The following TNNI3K variants were observed in gnomAD, a reference collection of about 807,000 sequenced individuals.
TNNI3K encodes serine/threonine-protein kinase TNNI3K.
In TNNI3K, 140 loss-of-function variants were observed where a neutral mutation model predicts 114.5. That is an observed-to-expected ratio of 1.22 (90% CI 1.07 to 1.41). The LOEUF is 1.41. Ranked by LOEUF, TNNI3K falls within the 40% of genes most tolerant of loss-of-function variation. The pLI is 0.00. For synonymous variants in TNNI3K, 347 were observed against 347.5 expected (o/e 1.00, Z 0.02); for missense variants, 1,125 against 1,007.6 (o/e 1.12, Z -1.58).
At chr1:74,447,165 A>G (rs1324282798) in intron 20 of TNNI3K, among the ~76,000 whole-genome samples, 1 of 151,160 alleles carries the variant, frequency 6.6e-6, no homozygotes, top group Non-Finnish European at 1.5e-5. Context: ...GATTCTTCCT[A>G]CCCATGAGCA....
chr1:74,483,085 A>G (rs989818452), intron 21 of TNNI3K, among the ~76,000 whole-genome samples: 2 of 152,226 alleles, frequency 1.3e-5, no homozygotes, highest in Non-Finnish European at 2.9e-5. Flanking sequence ...TTTGATTGAG[A>G]CCATCAGGAA....
intron 21 of TNNI3K, among the ~76,000 whole-genome samples, chr1:74,465,387 G>A (rs1048648118): frequency 6.6e-6 from 1 of 152,224 alleles, no homozygotes; most frequent in African/African-American, 2.4e-5. Flanking sequence ...CAGGCACTGA[G>A]GGGCTTAGCA....
At chr1:74,396,553 A>G (rs1664091063) in intron 17 of TNNI3K, among the ~76,000 whole-genome samples, 1 of 152,208 alleles carries the variant, frequency 6.6e-6, no homozygotes, top group Non-Finnish European at 1.5e-5. Flanking sequence ...TTACTGGGGA[A>G]GAGGGGAATG....
rs557923548 is a variant in TNNI3K, at chr1:74,456,761, G to A, written c.2012-6680G>A. ...GCTCTTAGTAGTCTAGGATATAGCA[G>A]TAATTTAAGAACATCTGCCAATTTT... On this transcript the variant is annotated intron_variant, in intron 20 of 24. Coordinates refer to ENST00000326637, the MANE Select transcript of TNNI3K (RefSeq NM_015978.3). Among the ~76,000 whole-genome samples the A allele has an allele frequency of 7.6e-4, 115 of 152,288 alleles. 2 individuals carry two copies. The South Asian group carries it at 0.014, about 19-fold the overall frequency.
chr1:74,451,651 C>CTTTT (rs1557574895), intron 20 of TNNI3K, among the ~76,000 whole-genome samples: 3 of 76,380 alleles, frequency 3.9e-5, no homozygotes, highest in African/African-American at 1.5e-4. Context: ...TCTTTCTTTC[C>CTTTT]TTTCTTTTTT....
At chr1:74,354,931 G>A (rs572836873) in intron 11 of TNNI3K, among the ~76,000 whole-genome samples, 1 of 152,282 alleles carries the variant, frequency 6.6e-6, no homozygotes, top group Admixed American at 6.5e-5. Flanking sequence ...TTTCAAGGGA[G>A]AAGTAACTGA....
At chr1:74,328,942 C>T (rs1285815312) in intron 5 of TNNI3K, among the ~76,000 whole-genome samples, 6 of 152,206 alleles carry the variant, frequency 3.9e-5, no homozygotes, top group Non-Finnish European at 5.9e-5. Flanking sequence ...GGGCCTCCTT[C>T]AAAGGTTCCT....
At chr1:74,268,655 A>T (rs1006848894) in intron 4 of TNNI3K, among the ~76,000 whole-genome samples, 1 of 151,810 alleles carries the variant, frequency 6.6e-6, no homozygotes, top group Non-Finnish European at 1.5e-5. Flanking sequence ...CTCTTTTTTT[A>T]TATAATCAAG....
intron 17 of TNNI3K, among the ~76,000 whole-genome samples, chr1:74,391,359 T>A (rs1165398154): frequency 1.3e-5 from 2 of 152,142 alleles, no homozygotes; most frequent in Non-Finnish European, 2.9e-5. Flanking sequence ...TAGATTGGAA[T>A]AGAATGGTGA....
intron 17 of TNNI3K, among the ~76,000 whole-genome samples, chr1:74,422,368 T>C (rs1348817941): frequency 6.6e-6 from 1 of 152,110 alleles, no homozygotes; most frequent in Non-Finnish European, 1.5e-5. Context: ...AAAAACACTA[T>C]ATGTCAGGTT....
intron 5 of TNNI3K, among the ~76,000 whole-genome samples, chr1:74,309,348 G>A (rs868837266): frequency 8.7e-4 from 64 of 73,554 alleles, no homozygotes; most frequent in African/African-American, 2.5e-3. Context: ...CAGCCTGGGC[G>A]ACAGCGAGAC....
At chr1:74,317,108 C>T (rs564015817) in intron 5 of TNNI3K, among the ~76,000 whole-genome samples, 15 of 152,300 alleles carry the variant, frequency 9.8e-5, no homozygotes, top group Admixed American at 8.5e-4. Flanking sequence ...AACAAACACA[C>T]ATAACTTTGT....
At chr1:74,451,650 C>CTT (rs1557574890) in intron 20 of TNNI3K, among the ~76,000 whole-genome samples, 12 of 96,792 alleles carry the variant, frequency 1.2e-4, no homozygotes, top group East Asian at 6.5e-4. Flanking sequence ...TTCTTTCTTT[C>CTT]CTTTCTTTTT....
At chr1:74,340,128 T>G (rs1660678311) in intron 7 of TNNI3K, among the ~76,000 whole-genome samples, 2 of 152,076 alleles carry the variant, frequency 1.3e-5, no homozygotes. Flanking sequence ...CTGACATTGC[T>G]TGGTCAATCT....
intron 23 of TNNI3K, among the ~76,000 whole-genome samples, chr1:74,508,388 A>G (rs1424182633): frequency 6.6e-6 from 1 of 152,254 alleles, no homozygotes; most frequent in Non-Finnish European, 1.5e-5. Context: ...AATCTTCATA[A>G]AAATAAAGAA....
At chr1:74,337,743 A>G (rs1219721187) in intron 7 of TNNI3K, among the ~76,000 whole-genome samples, 2 of 152,076 alleles carry the variant, frequency 1.3e-5, no homozygotes, top group African/African-American at 2.4e-5. Context: ...AGACTTTACC[A>G]CCAAAGGTAA....
At chr1:74,430,311 A>G (rs971461524) in intron 17 of TNNI3K, among the ~76,000 whole-genome samples, 2 of 152,274 alleles carry the variant, frequency 1.3e-5, no homozygotes, top group East Asian at 3.9e-4. Flanking sequence ...AAGACTCATG[A>G]TCCTTACATA....
At chr1:74,540,799 G>T (rs1317180406) in intron 24 of TNNI3K, among the ~76,000 whole-genome samples, 1 of 152,126 alleles carries the variant, frequency 6.6e-6, no homozygotes, top group Non-Finnish European at 1.5e-5. Flanking sequence ...AGGGTAAAAT[G>T]CAAATCCAGC....
At chr1:74,451,165 A>T (rs1285837113) in intron 20 of TNNI3K, among the ~76,000 whole-genome samples, 1 of 152,150 alleles carries the variant, frequency 6.6e-6, no homozygotes, top group South Asian at 2.1e-4. Flanking sequence ...CAAACACCAC[A>T]TGTTCTCACT....
Sources: gnomAD v4.1 joint callset for allele counts (sites outside exome capture counted in the v4.1 genomes callset) on GRCh38, gnomAD v4.1.1 for gene constraint, MANE v1.5 for transcripts, NCBI Gene and HGNC (gene_info 2026-07-23, HGNC 2026-07-21) for gene names.